The following SGCZ variants were observed in gnomAD, a reference collection of about 807,000 sequenced individuals.
SGCZ encodes zeta-sarcoglycan.
A neutral mutation model predicts 41.3 loss-of-function variants in SGCZ; 40 were observed. That is an observed-to-expected ratio of 0.97 (90% CI 0.75 to 1.26). SGCZ has a LOEUF of 1.26. Ranked by LOEUF, SGCZ falls within the 50% of genes most tolerant of loss-of-function variation. The probability of loss-of-function intolerance (pLI) is 0.00; values close to 1 mark genes in which losing one functional copy is unlikely to be tolerated. For synonymous variants in SGCZ, 206 were observed against 137.5 expected (o/e 1.50, Z -3.49); for missense variants, 552 against 369.8 (o/e 1.49, Z -4.04).
At chr8:14,719,008 C>A (rs1809793034) in intron 1 of SGCZ, among the ~76,000 whole-genome samples, 1 of 111,366 alleles carries the variant, frequency 9.0e-6, no homozygotes, top group East Asian at 3.2e-4. Context: ...CCCCCCTCCC[C>A]CCACCCCACA....
chr8:14,128,657 A>G (rs921353578), intron 5 of SGCZ, among the ~76,000 whole-genome samples: 1 of 152,166 alleles, frequency 6.6e-6, no homozygotes, highest in African/African-American at 2.4e-5. Context: ...CTAAGTGTCC[A>G]TCAGTGAATG....
At chr8:14,781,696 A>C (rs1240638212) in intron 1 of SGCZ, among the ~76,000 whole-genome samples, 1 of 152,208 alleles carries the variant, frequency 6.6e-6, no homozygotes, top group Non-Finnish European at 1.5e-5. Context: ...TACATCTAAT[A>C]AATCTCATAA....
intron 1 of SGCZ, among the ~76,000 whole-genome samples, chr8:14,891,258 G>A (rs888319985): frequency 3.3e-5 from 5 of 152,156 alleles, no homozygotes; most frequent in African/African-American, 1.2e-4. Flanking sequence ...CTTCTGGAAA[G>A]GATTTGCCAT....
At chr8:14,839,476 G>C (rs2130622610) in intron 1 of SGCZ, among the ~76,000 whole-genome samples, 1 of 152,250 alleles carries the variant, frequency 6.6e-6, no homozygotes, top group South Asian at 2.1e-4. Flanking sequence ...AAGTTAAATA[G>C]AGATTTAAAT....
chr8:14,508,477 C>A (rs1193017286), intron 2 of SGCZ, among the ~76,000 whole-genome samples: 2 of 151,994 alleles, frequency 1.3e-5, no homozygotes, highest in Non-Finnish European at 2.9e-5. Flanking sequence ...GAGACAGAAC[C>A]CTCGGAGGCT....
At chr8:14,316,264 G>T (rs901406903) in intron 3 of SGCZ, among the ~76,000 whole-genome samples, 1 of 151,950 alleles carries the variant, frequency 6.6e-6, no homozygotes, top group Non-Finnish European at 1.5e-5. Flanking sequence ...CTGAGCATAT[G>T]CAATAATTCA....
At chr8:14,938,355 G>A (rs547307349) in intron 1 of SGCZ, among the ~76,000 whole-genome samples, 11 of 152,200 alleles carry the variant, frequency 7.2e-5, no homozygotes, top group African/African-American at 2.6e-4. Flanking sequence ...TGCCGCTCCT[G>A]AGATGGCAAG....
chr8:14,251,214 C>T (rs193011911), intron 3 of SGCZ, among the ~76,000 whole-genome samples: 49 of 152,068 alleles, frequency 3.2e-4, no homozygotes, highest in Non-Finnish European at 6.0e-4. Context: ...GGCAACAGAG[C>T]GAGACTCTAT....
intron 1 of SGCZ, among the ~76,000 whole-genome samples, chr8:14,850,279 G>A (rs117069682): frequency 5.3e-5 from 8 of 152,208 alleles, no homozygotes; most frequent in East Asian, 1.9e-4. Flanking sequence ...GTGCTGGGCC[G>A]TGAAGTTATA....
chr8:14,772,845 G>T (rs1800292384), intron 1 of SGCZ, among the ~76,000 whole-genome samples: 1 of 151,946 alleles, frequency 6.6e-6, no homozygotes, highest in Non-Finnish European at 1.5e-5. Flanking sequence ...CATTTGGGTT[G>T]GTTCCAAGTC....
chr8:15,028,388 A>G (rs957960117), intron 1 of SGCZ, among the ~76,000 whole-genome samples: 1 of 151,984 alleles, frequency 6.6e-6, no homozygotes, highest in Non-Finnish European at 1.5e-5. Context: ...AAGGAACACT[A>G]TCGTCTTTCT....
At chr8:14,751,636 C>T (rs902298263) in intron 1 of SGCZ, among the ~76,000 whole-genome samples, 1 of 152,056 alleles carries the variant, frequency 6.6e-6, no homozygotes, top group Non-Finnish European at 1.5e-5. Flanking sequence ...GGTTTTAATA[C>T]GGGCCTAGCA....
chr8:14,933,978 A>C (rs1391480810), intron 1 of SGCZ, among the ~76,000 whole-genome samples: 1 of 151,970 alleles, frequency 6.6e-6, no homozygotes, highest in East Asian at 1.9e-4. Flanking sequence ...AATTCCAAAA[A>C]TTCATAATTA....
chr8:14,545,731 T>A (rs561710801), intron 2 of SGCZ, among the ~76,000 whole-genome samples: 13 of 152,166 alleles, frequency 8.5e-5, no homozygotes, highest in African/African-American at 2.4e-4. Flanking sequence ...CCCCACCCCC[T>A]CACTCTAGTC....
At chr8:14,091,378 T>A (rs1488221039) in intron 7 of SGCZ, among the ~76,000 whole-genome samples, 1 of 152,018 alleles carries the variant, frequency 6.6e-6, no homozygotes, top group Non-Finnish European at 1.5e-5. Context: ...GGTCAAATGG[T>A]ATTTCTAGTT....
chr8:14,408,950 A>ATGT (rs1799283687), intron 2 of SGCZ, among the ~76,000 whole-genome samples: 1 of 126,312 alleles, frequency 7.9e-6, no homozygotes, highest in African/African-American at 2.5e-5. Context: ...TTAAATTAAG[A>ATGT]GAGTGTGTGT....
chr8:14,752,485 T>A (rs985798092), intron 1 of SGCZ, among the ~76,000 whole-genome samples: 1 of 152,184 alleles, frequency 6.6e-6, no homozygotes, highest in Admixed American at 6.5e-5. Flanking sequence ...TAAATCAAAA[T>A]TACCATCTCA....
intron 2 of SGCZ, among the ~76,000 whole-genome samples, chr8:14,419,855 G>C (rs1229072354): frequency 6.6e-6 from 1 of 151,976 alleles, no homozygotes; most frequent in African/African-American, 2.4e-5. Context: ...TGACTTGAAA[G>C]TCCAATCTTT....
chr8:14,956,316 G>A (rs1800791953), intron 1 of SGCZ, among the ~76,000 whole-genome samples: 1 of 152,048 alleles, frequency 6.6e-6, no homozygotes, highest in African/African-American at 2.4e-5. Context: ...GGAATTACAA[G>A]CGTGAGCCAC....
Sources: allele counts gnomAD v4.1 joint callset (sites outside exome capture counted in the v4.1 genomes callset), GRCh38; gene constraint gnomAD v4.1.1; transcripts MANE v1.5; gene names NCBI Gene and HGNC (gene_info 2026-07-23, HGNC 2026-07-21).